Variants in FUT9 observed in about 807,000 individuals in gnomAD.
FUT9 encodes 4-galactosyl-N-acetylglucosaminide 3-alpha-L-fucosyltransferase 9.
In FUT9, 15 loss-of-function variants were observed where a neutral mutation model predicts 29.7. The observed-to-expected ratio is 0.51, with a 90% CI of 0.34 to 0.78. The LOEUF is 0.78. FUT9 is among the 30% of genes least tolerant of loss of function. The pLI, the probability that FUT9 is intolerant of heterozygous loss-of-function variation, is 0.01. For missense variants in FUT9, 319 were observed against 425.4 expected, an observed-to-expected ratio of 0.75 and a Z score of 2.20; for synonymous variants, 169 against 153.7, an observed-to-expected ratio of 1.10 and a Z score of -0.74.
At chr6:96,165,418 G>A (rs1772997691) in intron 2 of FUT9, among the ~76,000 whole-genome samples, 1 of 140,040 alleles carries the variant, frequency 7.1e-6, no homozygotes, top group African/African-American at 2.5e-5. Flanking sequence ...GTGACAGAGC[G>A]AGACTCCATC....
chr6:96,159,707 A>G (rs1211469029), intron 2 of FUT9, among the ~76,000 whole-genome samples: 2 of 152,146 alleles, frequency 1.3e-5, no homozygotes, highest in Non-Finnish European at 2.9e-5. Flanking sequence ...CTCCCATTTT[A>G]GTCCTTAGAA....
At chr6:96,055,421 A>G (rs1429685688) in intron 1 of FUT9, among the ~76,000 whole-genome samples, 1 of 151,628 alleles carries the variant, frequency 6.6e-6, no homozygotes, top group Non-Finnish European at 1.5e-5. Context: ...TTTGAAAACC[A>G]TTAAGTTAAT....
intron 1 of FUT9, among the ~76,000 whole-genome samples, chr6:96,053,775 TATC>T (rs1770715020): frequency 6.6e-6 from 1 of 152,166 alleles, no homozygotes; most frequent in Non-Finnish European, 1.5e-5. Flanking sequence ...CTGGCCAAAA[TATC>T]ATGTGTTATA....
chr6:96,204,876 G>A lies in FUT9; in HGVS notation c.*641G>A, dbSNP rs1773798673. ...TTTATTTTCATTAAGCTGATTTGCAGCTACTTATTCTCATGGTCTTAAATT... is the reference window on the plus strand; with the variant it reads ...TTTATTTTCATTAAGCTGATTTGCAACTACTTATTCTCATGGTCTTAAATT... On this transcript the variant is annotated 3_prime_UTR_variant, in exon 3 of 3. Transcript: ENST00000302103. The A allele has an allele frequency of 6.1e-6, 1 of 165,174 alleles. No individual in the cohort carries two copies. Among genetic ancestry groups the A allele is most frequent in the African/African-American group, 2.4e-5 (1 of 41,550 alleles). The allele number at this position is 165,174 out of a possible 1,614,324, so 10.2% of individuals were successfully genotyped here. A position where few individuals can be genotyped will look rare whatever the true frequency, so the allele number is the denominator to read the frequency against.
intron 2 of FUT9, among the ~76,000 whole-genome samples, chr6:96,197,458 T>C (rs894976770): frequency 2.6e-5 from 4 of 152,184 alleles, no homozygotes; most frequent in African/African-American, 7.2e-5. Context: ...AAATGGCATT[T>C]CTCCCAAATT....
intron 2 of FUT9, among the ~76,000 whole-genome samples, chr6:96,149,774 A>G (rs748933096): frequency 1.3e-5 from 2 of 152,234 alleles, no homozygotes; most frequent in African/African-American, 2.4e-5. Flanking sequence ...GATACAGTAT[A>G]CAGTGTGTAA....
intron 2 of FUT9, among the ~76,000 whole-genome samples, chr6:96,130,612 G>A (rs997025011): frequency 6.6e-6 from 1 of 152,104 alleles, no homozygotes. Context: ...CTATAATTAT[G>A]AATACCCAAC....
chr6:96,062,635 G>A (rs1277490408), intron 1 of FUT9, among the ~76,000 whole-genome samples: 1 of 152,076 alleles, frequency 6.6e-6, no homozygotes, highest in Non-Finnish European at 1.5e-5. Flanking sequence ...GGATAGGATG[G>A]AGAGAGGAAA....
At chr6:96,069,601 A>G (rs1771020111) in intron 1 of FUT9, among the ~76,000 whole-genome samples, 1 of 147,658 alleles carries the variant, frequency 6.8e-6, no homozygotes, top group African/African-American at 2.5e-5. Flanking sequence ...GCTAAACAGA[A>G]CAAACTATTA....
At chr6:96,119,114 A>C (rs1220814358) in intron 2 of FUT9, among the ~76,000 whole-genome samples, 1 of 152,216 alleles carries the variant, frequency 6.6e-6, no homozygotes, top group African/African-American at 2.4e-5. Flanking sequence ...GCATTTGTAC[A>C]GTGTTTATAA....
chr6:96,055,363 G>T (rs931504221), intron 1 of FUT9, among the ~76,000 whole-genome samples: 1 of 146,496 alleles, frequency 6.8e-6, no homozygotes. Flanking sequence ...TTTAAATCTC[G>T]AGTTAATGGC....
Position 96,089,966 on chromosome 6 carries a change from G to C in FUT9, c.-97-24073G>C, listed in dbSNP as rs139598126. On this transcript the variant is annotated intron_variant, in intron 1 of 2. Transcript: ENST00000302103. Reference sequence around the variant, plus strand: ...ACATAAGCCTGTATAATTCTGAAAAGAACCTGAAAACATGGTTGTATTATA... The same window carrying C: ...ACATAAGCCTGTATAATTCTGAAAACAACCTGAAAACATGGTTGTATTATA... 7.6e-4 allele frequency among the ~76,000 whole-genome samples: 115 copies of C among 152,154 alleles called. 1 individual carries two copies. In the East Asian group the frequency reaches 0.018, roughly 24 times the overall value.
At chr6:96,072,820 G>A (rs934938855) in intron 1 of FUT9, among the ~76,000 whole-genome samples, 1 of 152,152 alleles carries the variant, frequency 6.6e-6, no homozygotes, top group Admixed American at 6.5e-5. Context: ...AAAGTTTATA[G>A]TTACTCTAAG....
chr6:96,135,390 A>G (rs932011373), intron 2 of FUT9, among the ~76,000 whole-genome samples: 1 of 151,928 alleles, frequency 6.6e-6, no homozygotes, highest in East Asian at 1.9e-4. Context: ...TTAGAAATGA[A>G]TGAGCACTAC....
At chr6:96,088,523 G>GT (rs939222738) in intron 1 of FUT9, among the ~76,000 whole-genome samples, 4 of 139,442 alleles carry the variant, frequency 2.9e-5, no homozygotes, top group African/African-American at 1.1e-4. Context: ...TTCTCTGTTT[G>GT]TTTGTTTTGT....
intron 1 of FUT9, among the ~76,000 whole-genome samples, chr6:96,074,443 A>G (rs1771111546): frequency 6.6e-6 from 1 of 152,166 alleles, no homozygotes. Context: ...ATATATAGTT[A>G]GGAGTCAGAT....
At chr6:96,143,902 C>T (rs1772514794) in intron 2 of FUT9, among the ~76,000 whole-genome samples, 2 of 144,152 alleles carry the variant, frequency 1.4e-5, no homozygotes, top group African/African-American at 2.4e-5. Context: ...CCACACCACC[C>T]AACTGCTTTT....
intron 1 of FUT9, among the ~76,000 whole-genome samples, chr6:96,068,742 T>C (rs1442892425): frequency 6.6e-6 from 1 of 152,182 alleles, no homozygotes; most frequent in Non-Finnish European, 1.5e-5. Context: ...TAATATCTTC[T>C]CTTAAAATGA....
chr6:96,149,029 G>A (rs1772627461), intron 2 of FUT9, among the ~76,000 whole-genome samples: 1 of 151,990 alleles, frequency 6.6e-6, no homozygotes, highest in Admixed American at 6.6e-5. Flanking sequence ...GGTGCCATGT[G>A]CCTGTAATCC....
Sources: allele counts gnomAD v4.1 joint callset (sites outside exome capture counted in the v4.1 genomes callset), GRCh38; gene constraint gnomAD v4.1.1; transcripts MANE v1.5; gene names NCBI Gene and HGNC (gene_info 2026-07-23, HGNC 2026-07-21).